Variants in CNTN5 observed in about 807,000 individuals in gnomAD.
The protein encoded by CNTN5 is contactin-5.
In CNTN5, 77 loss-of-function variants were observed where a neutral mutation model predicts 129.1. That is an observed-to-expected ratio of 0.60 (90% CI 0.50 to 0.72). The LOEUF is 0.72. Ranked by LOEUF, CNTN5 falls within the 30% of genes least tolerant of loss-of-function variation. The probability of loss-of-function intolerance (pLI) is 0.00; values close to 1 mark genes in which losing one functional copy is unlikely to be tolerated. For missense variants in CNTN5, 1,478 were observed against 1,328.8 expected (o/e 1.11, Z -1.75); for synonymous variants, 509 against 465.6 (o/e 1.09, Z -1.20).
chr11:99,580,672 T>C lies in CNTN5; in HGVS notation c.55+24403T>C, dbSNP rs559831534. ...GTTTGTAGTTCTGTGGGGTCGGTGG[T>C]GATATCCCCTTTGTCATTTTTTATT... is the stretch of plus-strand genomic sequence containing the variant. On this transcript the variant is annotated intron_variant, in intron 3 of 24. Transcript: ENST00000524871. Among the ~76,000 whole-genome samples the C allele has an allele frequency of 2.6e-5, 4 of 152,288 alleles. No homozygotes were observed. In the South Asian group the frequency reaches 8.3e-4, roughly 32 times the overall value.
chr11:99,817,651 AAC>A (rs1209509441), intron 3 of CNTN5, among the ~76,000 whole-genome samples: 1 of 143,174 alleles, frequency 7.0e-6, no homozygotes, highest in East Asian at 2.3e-4. Context: ...AGAGAGTTAA[AAC>A]ACAAAGCAAT....
chr11:100,046,202 G>A (rs1942665420), intron 9 of CNTN5, among the ~76,000 whole-genome samples: 1 of 152,024 alleles, frequency 6.6e-6, no homozygotes, highest in Non-Finnish European at 1.5e-5. Flanking sequence ...ATGAGTTAAT[G>A]GGTGCATCAA....
chr11:100,135,037 G>C (rs1946480105), intron 13 of CNTN5, among the ~76,000 whole-genome samples: 1 of 151,844 alleles, frequency 6.6e-6, no homozygotes, highest in African/African-American at 2.4e-5. Context: ...ATTCATTTAG[G>C]GGTTTATTAT....
At chr11:99,598,355 T>TC in intron 3 of CNTN5, among the ~76,000 whole-genome samples, 1 of 51,856 alleles carries the variant, frequency 1.9e-5, no homozygotes, top group African/African-American at 7.7e-5. Context: ...TCTCTCTCTC[T>TC]CTCTCTCTCT....
At chr11:99,093,922 T>A (rs1866361336) in intron 1 of CNTN5, among the ~76,000 whole-genome samples, 1 of 151,990 alleles carries the variant, frequency 6.6e-6, no homozygotes, top group Non-Finnish European at 1.5e-5. Context: ...CCATACTCGA[T>A]CACTTCAAAT....
intron 1 of CNTN5, among the ~76,000 whole-genome samples, chr11:99,211,423 C>G (rs138026099): frequency 6.6e-6 from 1 of 152,094 alleles, no homozygotes; most frequent in East Asian, 1.9e-4. Context: ...TCCAGTAGTA[C>G]TTTTTAAAAC....
At chr11:99,802,618 A>T (rs11605539) in intron 3 of CNTN5, among the ~76,000 whole-genome samples, 6,701 of 152,236 alleles carry the variant, frequency 0.044, 181 homozygotes, top group South Asian at 0.076. Flanking sequence ...AGAGGCCTGG[A>T]GGTCTGCCTG....
At chr11:99,107,413 A>G (rs1035176876) in intron 1 of CNTN5, among the ~76,000 whole-genome samples, 1 of 152,086 alleles carries the variant, frequency 6.6e-6, no homozygotes, top group Non-Finnish European at 1.5e-5. Flanking sequence ...GAGTATCTCT[A>G]TGTTCTTGGT....
intron 7 of CNTN5, among the ~76,000 whole-genome samples, chr11:99,933,526 G>A (rs1591442526): frequency 6.6e-6 from 1 of 151,994 alleles, no homozygotes; most frequent in African/African-American, 2.4e-5. Context: ...TCTCATCCCT[G>A]ATATTCATTG....
intron 1 of CNTN5, among the ~76,000 whole-genome samples, chr11:99,205,694 C>T (rs78973674): frequency 0.014 from 2,174 of 152,104 alleles, 44 homozygotes; most frequent in African/African-American, 0.048. Flanking sequence ...AAAAGGGTAA[C>T]TATGTGAAGT....
At chr11:99,293,494 G>C (rs1478615991) in intron 1 of CNTN5, among the ~76,000 whole-genome samples, 1 of 152,044 alleles carries the variant, frequency 6.6e-6, no homozygotes, top group South Asian at 2.1e-4. Context: ...AGTATACGTG[G>C]TATTAGTTCT....
chr11:99,139,069 G>A (rs576436073), intron 1 of CNTN5, among the ~76,000 whole-genome samples: 22 of 148,390 alleles, frequency 1.5e-4, no homozygotes, highest in African/African-American at 5.5e-4. Flanking sequence ...CTTGGGTAGA[G>A]ATGGGCGAAA....
intron 2 of CNTN5, among the ~76,000 whole-genome samples, chr11:99,398,973 T>G: frequency 6.6e-6 from 1 of 151,888 alleles, no homozygotes; most frequent in East Asian, 1.9e-4. Context: ...TTCTGTCTCA[T>G]ATACTCTTCA....
chr11:99,150,030 T>A lies in CNTN5; in HGVS notation c.-210+128760T>A, dbSNP rs532233745. Among the ~76,000 whole-genome samples the A allele has an allele frequency of 1.8e-4, 28 of 151,876 alleles. 1 individual carries two copies. In the East Asian group the frequency reaches 4.8e-3, roughly 26 times the overall value. On this transcript the variant is annotated intron_variant, in intron 1 of 24. Transcript: ENST00000524871. ...GTTCAATAAAAATTTAATGAACAAA[T>A]AAAAAAAAGATAATGACTCACAGGT... is the stretch of plus-strand genomic sequence containing the variant.
At chr11:100,247,709 T>G (rs1241950415) in intron 16 of CNTN5, among the ~76,000 whole-genome samples, 1 of 152,204 alleles carries the variant, frequency 6.6e-6, no homozygotes. Context: ...AACTTTATTA[T>G]AAAGGTGAAT....
At chr11:99,612,389 CA>C (rs1442349498) in intron 3 of CNTN5, among the ~76,000 whole-genome samples, 1 of 152,126 alleles carries the variant, frequency 6.6e-6, no homozygotes, top group Non-Finnish European at 1.5e-5. Context: ...CCTCTGACCC[CA>C]TCTTCCTCTT....
chr11:99,559,761 A>T (rs545753748), intron 3 of CNTN5, among the ~76,000 whole-genome samples: 30 of 152,330 alleles, frequency 2.0e-4, no homozygotes, highest in African/African-American at 6.3e-4. Context: ...ATAAGCGTTT[A>T]CCAGAGATTT....
intron 1 of CNTN5, among the ~76,000 whole-genome samples, chr11:99,075,244 T>C (rs11218308): frequency 0.074 from 11,322 of 152,244 alleles, 654 homozygotes; most frequent in African/African-American, 0.16. Context: ...TAAATGTTCA[T>C]GTCAATATGA....
At chr11:100,059,309 C>T (rs922384444) in intron 9 of CNTN5, among the ~76,000 whole-genome samples, 12 of 152,008 alleles carry the variant, frequency 7.9e-5, no homozygotes, top group Non-Finnish European at 1.8e-4. Context: ...AAAATACGGA[C>T]AAACTTAGGT....
Sources: gnomAD v4.1 joint callset for allele counts (sites outside exome capture counted in the v4.1 genomes callset) on GRCh38, gnomAD v4.1.1 for gene constraint, MANE v1.5 for transcripts, NCBI Gene and HGNC (gene_info 2026-07-23, HGNC 2026-07-21) for gene names.